The following SATB2 variants were observed in gnomAD, a reference collection of about 807,000 sequenced individuals.
SATB2 encodes DNA-binding protein SATB2.
A neutral mutation model predicts 73.4 loss-of-function variants in SATB2; 1 was observed. The observed-to-expected ratio is 0.01, with a 90% confidence interval of 0.00 to 0.06. The LOEUF (loss-of-function observed/expected upper bound fraction) is 0.06. SATB2 is among the 10% of genes least tolerant of loss of function. The pLI is 1.00. For synonymous variants in SATB2, 397 were observed against 367.0 expected, an observed-to-expected ratio of 1.08 and a Z score of -0.93; for missense variants, 459 against 945.8, an observed-to-expected ratio of 0.49 and a Z score of 6.75.
intron 2 of SATB2, among the ~76,000 whole-genome samples, chr2:199,433,780 T>A (rs1295566855): frequency 6.6e-6 from 1 of 152,120 alleles, no homozygotes; most frequent in Non-Finnish European, 1.5e-5. Flanking sequence ...ATAGGTGAGA[T>A]GAAGGTGACC....
chr2:199,463,312 G>A lies in SATB2; in HGVS notation c.-141+1524C>T, dbSNP rs1692521705. The stretch of plus-strand genomic sequence containing the variant: ...CCGGGACAACAAGGCAAGGGTGGGG[G>A]AAGAAAAGGAAGCGCCGAAGGAGCC... On this transcript the variant is annotated intron_variant, in intron 1 of 11. Coordinates refer to the SATB2 transcript ENST00000260926. The surrounding 1 kb of genome is among the most constrained non-coding windows in gnomAD (Gnocchi z 6.4). Among the ~76,000 whole-genome samples, 2 of 152,230 alleles carry A rather than the reference G, an allele frequency of 1.3e-5. No homozygotes were observed. Among genetic ancestry groups the A allele is most frequent in the Non-Finnish European group, 2.9e-5 (2 of 68,036 alleles).
intron 7 of SATB2, among the ~76,000 whole-genome samples, chr2:199,330,018 G>A (rs1332213438): frequency 6.6e-6 from 1 of 152,098 alleles, no homozygotes; most frequent in East Asian, 1.9e-4. Flanking sequence ...TAGAACAGAT[G>A]GGGCAACTGA....
At chr2:199,408,530 G>A (rs955368716) in intron 3 of SATB2, among the ~76,000 whole-genome samples, 2 of 152,092 alleles carry the variant, frequency 1.3e-5, no homozygotes, top group African/African-American at 2.4e-5. Context: ...CAGATACAAG[G>A]GGGATATACT....
At chr2:199,425,881 GCA>G (rs903461047) in intron 3 of SATB2, among the ~76,000 whole-genome samples, 5 of 152,140 alleles carry the variant, frequency 3.3e-5, no homozygotes, top group Non-Finnish European at 7.3e-5. Flanking sequence ...ATGCATATGT[GCA>G]CACACACATA....
intron 2 of SATB2, among the ~76,000 whole-genome samples, chr2:199,446,013 T>C (rs551466222): frequency 6.6e-6 from 1 of 152,284 alleles, no homozygotes; most frequent in Admixed American, 6.5e-5. Context: ...ATCAAAAAGA[T>C]CATATTAAGG....
At chr2:199,448,561 C>T (rs1196121039) in intron 2 of SATB2, among the ~76,000 whole-genome samples, 1 of 152,152 alleles carries the variant, frequency 6.6e-6, no homozygotes, top group African/African-American at 2.4e-5. Flanking sequence ...CAAACCCCTG[C>T]AAATCACCTC....
In SATB2 at chr2:199,463,182, C is replaced by G. The variant is rs187767412; in HGVS notation, c.-141+1654G>C. Among the ~76,000 whole-genome samples, 94 of 152,334 alleles carry G rather than the reference C, an allele frequency of 6.2e-4. 1 individual carries two copies. The highest frequency in any genetic ancestry group is 2.1e-3 in the African/African-American group (89 of 41,596). On this transcript the variant is annotated intron_variant, in intron 1 of 11. Transcript: ENST00000260926. This position sits in a 1 kb window ranked among gnomAD's most constrained non-coding sequence, Gnocchi z 6.4. ...AACGCCCCCCGGGGCGCCCTTCATT[C>G]TTTTGCAGAGCCCAGAACTTAATAG...
At chr2:199,386,697 C>T (rs1375066827) in intron 3 of SATB2, among the ~76,000 whole-genome samples, 2 of 380 alleles carry the variant, frequency 5.3e-3, no homozygotes, top group Non-Finnish European at 0.02. Context: ...CGTGCGCAAG[C>T]GCGCGCGCGC....
chr2:199,386,712 GCGCGCACACACACACACA>G (rs776741767), intron 3 of SATB2, among the ~76,000 whole-genome samples: 11,495 of 67,590 alleles, frequency 0.17, 677 homozygotes, highest in Non-Finnish European at 0.2. Flanking sequence ...GCGCGCGCGC[GCGCGCACACACACACACA>G]CACACACACA....
chr2:199,317,956 G>A (rs1026347819), intron 9 of SATB2, among the ~76,000 whole-genome samples: 1 of 151,888 alleles, frequency 6.6e-6, no homozygotes, highest in Non-Finnish European at 1.5e-5. Context: ...TTTTGAATTT[G>A]AATTTGGAAC....
chr2:199,424,371 C>T (rs902453546), intron 3 of SATB2, among the ~76,000 whole-genome samples: 6 of 152,092 alleles, frequency 3.9e-5, no homozygotes, highest in African/African-American at 1.4e-4. Context: ...TCACTCCTGC[C>T]TCTCAAAACC....
chr2:199,447,976 G>A (rs1692010871), intron 2 of SATB2, among the ~76,000 whole-genome samples: 2 of 151,946 alleles, frequency 1.3e-5, no homozygotes, highest in South Asian at 4.2e-4. Context: ...TCACTGCTTG[G>A]GAAATGGGTC....
chr2:199,467,029 G>T (rs1466778841), upstream of SATB2, among the ~76,000 whole-genome samples: 1 of 152,258 alleles, frequency 6.6e-6, no homozygotes, highest in African/African-American at 2.4e-5. Flanking sequence ...GTGCGGCCCC[G>T]GCTGGCCGCC....
At chr2:199,318,086 G>A (rs1371152406) in intron 9 of SATB2, among the ~76,000 whole-genome samples, 1 of 151,964 alleles carries the variant, frequency 6.6e-6, no homozygotes, top group East Asian at 1.9e-4. Flanking sequence ...AGTCAAGGCT[G>A]TACACCTCAT....
intron 3 of SATB2, among the ~76,000 whole-genome samples, chr2:199,388,323 T>C (rs566286132): frequency 4.6e-5 from 7 of 152,170 alleles, no homozygotes; most frequent in Non-Finnish European, 7.4e-5. Flanking sequence ...TTATTATTGC[T>C]AAACACATAG....
In SATB2 at chr2:199,316,128, C is replaced by G. The variant is rs542490962; in HGVS notation, c.1543-7171G>C. 4.6e-5 allele frequency among the ~76,000 whole-genome samples: 7 copies of G among 152,214 alleles called. No individual in the cohort carries two copies. The East Asian group carries it at 1.4e-3, about 29-fold the overall frequency. ...CTTTCTAAATGGAAGCACATAAAGT[C>G]CCCAAACAAACTTTTGTAACTGTGA... On this transcript the variant is annotated intron_variant, in intron 9 of 10. Coordinates refer to ENST00000417098, the MANE Select transcript of SATB2 (RefSeq NM_001172509.2).
chr2:199,438,254 G>T (rs1020191917), intron 2 of SATB2, among the ~76,000 whole-genome samples: 1 of 152,154 alleles, frequency 6.6e-6, no homozygotes, highest in Non-Finnish European at 1.5e-5. Context: ...CATGTGGCTT[G>T]TATTAGTATC....
At chr2:199,298,740 C>G (rs1042989291) in intron 10 of SATB2, among the ~76,000 whole-genome samples, 1 of 152,294 alleles carries the variant, frequency 6.6e-6, no homozygotes, top group African/African-American at 2.4e-5. Flanking sequence ...GTATGTGAAA[C>G]AAGTGCACTG....
At chr2:199,405,278 C>A (rs1321571566) in intron 3 of SATB2, among the ~76,000 whole-genome samples, 2 of 152,176 alleles carry the variant, frequency 1.3e-5, no homozygotes, top group Non-Finnish European at 2.9e-5. Flanking sequence ...AAGAGCTCTG[C>A]ATAATATTGG....
Sources: gnomAD v4.1 joint callset for allele counts (sites outside exome capture counted in the v4.1 genomes callset) on GRCh38, gnomAD v4.1.1 for gene constraint, Gnocchi (gnomAD v3.1) non-coding constraint, MANE v1.5 for transcripts, NCBI Gene and HGNC (gene_info 2026-07-23, HGNC 2026-07-21) for gene names.